The following CNTNAP5 variants were observed in gnomAD, a reference collection of about 807,000 sequenced individuals.
CNTNAP5 encodes contactin-associated protein-like 5.
A neutral mutation model predicts 150.2 loss-of-function variants in CNTNAP5; 72 were observed. The ratio of observed to expected loss-of-function variants is 0.48; its 90% confidence interval spans 0.40 to 0.58. The LOEUF is 0.58. CNTNAP5 is among the 20% of genes least tolerant of loss of function. The pLI is 0.00. For synonymous variants in CNTNAP5, 672 were observed against 619.8 expected, an observed-to-expected ratio of 1.08 and a Z score of -1.25; for missense variants, 1,636 against 1,626.2, an observed-to-expected ratio of 1.01 and a Z score of -0.10.
intron 1 of CNTNAP5, among the ~76,000 whole-genome samples, chr2:124,140,104 G>T (rs12328906): frequency 1.3e-5 from 2 of 151,778 alleles, no homozygotes; most frequent in Non-Finnish European, 2.9e-5. Context: ...GGCGCACCAC[G>T]AGACTATATC....
intron 1 of CNTNAP5, among the ~76,000 whole-genome samples, chr2:124,069,419 C>T (rs1682244734): frequency 6.6e-6 from 1 of 152,156 alleles, no homozygotes; most frequent in Non-Finnish European, 1.5e-5. Context: ...GGGAACTTGC[C>T]ACCCTGAATG....
chr2:124,418,081 T>C (rs1691971601), intron 4 of CNTNAP5, among the ~76,000 whole-genome samples: 1 of 152,186 alleles, frequency 6.6e-6, no homozygotes, highest in African/African-American at 2.4e-5. Flanking sequence ...TTGTATTAAA[T>C]TTGAAATTAG....
chr2:124,283,439 G>A (rs751100664), intron 3 of CNTNAP5, among the ~76,000 whole-genome samples: 1 of 152,168 alleles, frequency 6.6e-6, no homozygotes, highest in Non-Finnish European at 1.5e-5. Context: ...GCCACAGTTG[G>A]AGACATCCTG....
intron 10 of CNTNAP5, among the ~76,000 whole-genome samples, chr2:124,539,569 C>T (rs527681484): frequency 6.6e-6 from 1 of 152,314 alleles, no homozygotes; most frequent in East Asian, 1.9e-4. Flanking sequence ...CTTAGCTCCC[C>T]TAGTTGTCAA....
At chr2:124,511,892 A>G (rs1317336783) in intron 8 of CNTNAP5, among the ~76,000 whole-genome samples, 1 of 151,080 alleles carries the variant, frequency 6.6e-6, no homozygotes, top group Non-Finnish European at 1.5e-5. Flanking sequence ...CACAACCTGT[A>G]GAGAATTAGG....
At chr2:124,855,392 C>T (rs1267855615) in intron 19 of CNTNAP5, among the ~76,000 whole-genome samples, 3 of 151,872 alleles carry the variant, frequency 2.0e-5, no homozygotes, top group Non-Finnish European at 4.4e-5. Flanking sequence ...TGGTCAGGCT[C>T]GAACTCCTGA....
chr2:124,672,234 TATTAAATAAGGGCCCA>T (rs1395807851), intron 13 of CNTNAP5, among the ~76,000 whole-genome samples: 1 of 152,250 alleles, frequency 6.6e-6, no homozygotes, highest in South Asian at 2.1e-4. Flanking sequence ...ACACCAGCCA[TATTAAATAAGGGCCCA>T]CCCATTTGCC....
chr2:124,468,451 C>G (rs1264779028), intron 6 of CNTNAP5, among the ~76,000 whole-genome samples: 1 of 152,086 alleles, frequency 6.6e-6, no homozygotes, highest in Non-Finnish European at 1.5e-5. Context: ...CAGAAAGAAG[C>G]AAGTCAGCTT....
intron 15 of CNTNAP5, 82 bp downstream of exon 15, chr2:124,763,881 A>G: frequency 6.3e-7 from 1 of 1,596,842 alleles, no homozygotes; most frequent in Non-Finnish European, 8.6e-7. Flanking sequence ...TTTTCCCTGC[A>G]GTGTGCCCTA....
intron 21 of CNTNAP5, among the ~76,000 whole-genome samples, chr2:124,887,955 T>A (rs1222714063): frequency 6.6e-6 from 1 of 152,134 alleles, no homozygotes; most frequent in Non-Finnish European, 1.5e-5. Flanking sequence ...TTTTTCTTTT[T>A]TAATAATTTT....
chr2:124,733,755 T>C (rs1453551748), intron 13 of CNTNAP5, among the ~76,000 whole-genome samples: 2 of 152,148 alleles, frequency 1.3e-5, no homozygotes, highest in South Asian at 4.1e-4. Flanking sequence ...ATAGTTAGTT[T>C]AAGAAAACTA....
intron 6 of CNTNAP5, among the ~76,000 whole-genome samples, chr2:124,453,084 A>G (rs186585574): frequency 1.3e-5 from 2 of 152,272 alleles, no homozygotes; most frequent in East Asian, 3.9e-4. Flanking sequence ...CTAATCAGTG[A>G]GATACCAGAG....
At chr2:124,872,756 C>T (rs1261181721) in intron 21 of CNTNAP5, among the ~76,000 whole-genome samples, 9 of 151,758 alleles carry the variant, frequency 5.9e-5, no homozygotes, top group Non-Finnish European at 1.3e-4. Flanking sequence ...TTTCATGGCC[C>T]CTGCTCTGTG....
At chr2:124,774,489 A>G (rs1361183694) in intron 17 of CNTNAP5, among the ~76,000 whole-genome samples, 1 of 152,186 alleles carries the variant, frequency 6.6e-6, no homozygotes, top group Non-Finnish European at 1.5e-5. Flanking sequence ...AAATTATCAA[A>G]ACAGTTTTGT....
intron 1 of CNTNAP5, among the ~76,000 whole-genome samples, chr2:124,192,026 G>A (rs1685470422): frequency 6.6e-6 from 1 of 152,208 alleles, no homozygotes; most frequent in African/African-American, 2.4e-5. Flanking sequence ...AGGACCTGGT[G>A]ATGGGGAGCC....
At position 124,678,181 on chromosome 2, in the gene CNTNAP5, T is replaced by C. The variant is rs558727687; in HGVS notation, c.2077+30223T>C. ...TCCAGTGATCAATAGGAATCCAACC[T>C]AATGATGACATTGTTCATGACTGCC... is the stretch of plus-strand genomic sequence containing the variant. On this transcript the variant is annotated intron_variant, in intron 13 of 23. Transcript: ENST00000682447. 2.0e-4 allele frequency among the ~76,000 whole-genome samples: 30 copies of C among 151,954 alleles called. 2 individuals are homozygous for C. In the South Asian group the frequency reaches 6.2e-3, roughly 32 times the overall value.
chr2:124,128,549 T>C (rs1436011911), intron 1 of CNTNAP5, among the ~76,000 whole-genome samples: 1 of 152,174 alleles, frequency 6.6e-6, no homozygotes, highest in Non-Finnish European at 1.5e-5. Context: ...GACCCAGCCA[T>C]CCCATTACTG....
chr2:124,754,856 AT>A (rs563809914), intron 14 of CNTNAP5, among the ~76,000 whole-genome samples: 56 of 146,042 alleles, frequency 3.8e-4, no homozygotes, highest in South Asian at 4.3e-4. Context: ...CCCAGCCTAC[AT>A]TTTTTTTTTT....
At chr2:124,386,427 CAG>C (rs1461724190) in intron 3 of CNTNAP5, among the ~76,000 whole-genome samples, 1 of 152,222 alleles carries the variant, frequency 6.6e-6, no homozygotes, top group Admixed American at 6.5e-5. Flanking sequence ...AACATACCTG[CAG>C]AGACTTGAAA....
Sources: gnomAD v4.1 joint callset for allele counts (sites outside exome capture counted in the v4.1 genomes callset) on GRCh38, gnomAD v4.1.1 for gene constraint, MANE v1.5 for transcripts, NCBI Gene and HGNC (gene_info 2026-07-23, HGNC 2026-07-21) for gene names.